Variants in ZNF423 observed in about 807,000 individuals in gnomAD.
The protein encoded by ZNF423 is Ebf-associated zinc finger protein.
ZNF423 carries 12 observed loss-of-function variants against 95.8 expected under a neutral mutation model. The ratio of observed to expected loss-of-function variants is 0.13; its 90% CI spans 0.08 to 0.20. The LOEUF is 0.20. Among genes scored for constraint, ZNF423 ranks in the 10% least tolerant of loss-of-function variants. The probability of loss-of-function intolerance (pLI) is 1.00; values close to 1 mark genes in which losing one functional copy is unlikely to be tolerated. For missense variants in ZNF423, 1,316 were observed against 1,737.1 expected (o/e 0.76, Z 4.31); for synonymous variants, 749 against 711.9 (o/e 1.05, Z -0.83).
Position 49,492,411 on chromosome 16 carries a change from C to G in ZNF423, c.3850-1107G>C, listed in dbSNP as rs934919971. On this transcript the variant is annotated intron_variant, in intron 7 of 7. Transcript: ENST00000563137. The surrounding 1 kb of genome is among the most constrained non-coding windows in gnomAD (Gnocchi z 4.2). ...GGGTCAGCAGAGGCACCGCGTCTCTCCTGGGCTCGGGTCCGCGGCGAGGGC... is the reference window on the plus strand; with the variant it reads ...GGGTCAGCAGAGGCACCGCGTCTCTGCTGGGCTCGGGTCCGCGGCGAGGGC... Among the ~76,000 whole-genome samples, 4 of 152,176 alleles carry G rather than the reference C, an allele frequency of 2.6e-5. No homozygotes were observed. The highest frequency in any genetic ancestry group is 9.6e-5 in the African/African-American group (4 of 41,454).
rs149587611 is a variant in ZNF423 at position 49,747,466 on chromosome 16, T to C, written c.101-16495A>G. Among the ~76,000 whole-genome samples, 45 of 152,278 alleles carry C rather than the reference T, an allele frequency of 3.0e-4. No homozygotes were observed. In the East Asian group the frequency reaches 4.6e-3, roughly 16 times the overall value. ...ACAAGACATACAGGGAAATGAAGAA[T>C]TGATATCATCTATAATTAAATATCA... On this transcript the variant is annotated intron_variant, in intron 2 of 7. Coordinates refer to ENST00000563137, the MANE Select transcript of ZNF423 (RefSeq NM_001379286.1).
At chr16:49,518,101 T>C (rs748230939) in intron 7 of ZNF423, 2 of 441,704 alleles carry the variant, frequency 4.5e-6, no homozygotes, top group African/African-American at 4.1e-5. Flanking sequence ...AAAAGTTCAT[T>C]GCAAGCCCTA....
chr16:49,783,436 G>T (rs1413243540), intron 2 of ZNF423, among the ~76,000 whole-genome samples: 5 of 142,630 alleles, frequency 3.5e-5, no homozygotes, highest in Admixed American at 1.4e-4. Flanking sequence ...TTAGTAGCAG[G>T]CTGGGATGGG....
At chr16:49,756,029 A>C (rs1284872878) in intron 2 of ZNF423, among the ~76,000 whole-genome samples, 2 of 152,204 alleles carry the variant, frequency 1.3e-5, no homozygotes, top group African/African-American at 4.8e-5. Context: ...GGCCAGACTG[A>C]AAGCCAGGCT....
intron 5 of ZNF423, among the ~76,000 whole-genome samples, chr16:49,527,952 T>TC: frequency 6.6e-6 from 1 of 152,112 alleles, no homozygotes; most frequent in East Asian, 1.9e-4. Context: ...ACACGACTAC[T>TC]CCCTCACTAG....
At chr16:49,514,181 A>AC (rs1224772646) in intron 7 of ZNF423, among the ~76,000 whole-genome samples, 8 of 139,726 alleles carry the variant, frequency 5.7e-5, no homozygotes, top group African/African-American at 2.1e-4. Flanking sequence ...TTTCCTGACC[A>AC]CCCAACACAC....
chr16:49,783,152 G>C (rs778578829), intron 2 of ZNF423, among the ~76,000 whole-genome samples: 24 of 152,108 alleles, frequency 1.6e-4, no homozygotes, highest in Non-Finnish European at 2.9e-4. Context: ...TGTGGGAAGA[G>C]GGAGGAAATG....
intron 3 of ZNF423, among the ~76,000 whole-genome samples, chr16:49,677,491 A>AAAGG (rs2031164223): frequency 6.6e-6 from 1 of 151,780 alleles, no homozygotes; most frequent in Admixed American, 6.6e-5. Flanking sequence ...GAAAGGAAAG[A>AAAGG]AAAGAAAAGA....
At chr16:49,811,029 G>T (rs2034743140) in intron 1 of ZNF423, among the ~76,000 whole-genome samples, 2 of 152,184 alleles carry the variant, frequency 1.3e-5, no homozygotes, top group Non-Finnish European at 2.9e-5. Flanking sequence ...GCCCAGAGGG[G>T]CAGGCTCAGG....
intron 5 of ZNF423, among the ~76,000 whole-genome samples, chr16:49,565,073 G>A (rs572346837): frequency 1.1e-4 from 17 of 152,278 alleles, no homozygotes; most frequent in Non-Finnish European, 1.5e-4. Context: ...TCCCCAGCTC[G>A]ACCCAGCAGG....
intron 3 of ZNF423, among the ~76,000 whole-genome samples, chr16:49,692,371 C>T (rs1436682452): frequency 6.6e-6 from 1 of 152,190 alleles, no homozygotes; most frequent in Non-Finnish European, 1.5e-5. Context: ...CCCCAGCACA[C>T]AGCCCGATGC....
In ZNF423 at chr16:49,491,296, C is replaced by G. The variant is rs759162963; in HGVS notation, c.3858G>C (p.Thr1286=). ...FFFQTELQNH[T]MSQHAQ ...TCCCTCACTGTGCGTGCTGGCTCAT[C>G]GTGTGGTTCTGCAAAGGCGAAGAAA... The change falls in exon 8 of 8, where the codon ACG becomes ACC. Residue 1286 remains threonine, a synonymous_variant. Transcript: ENST00000563137. The G allele has an allele frequency of 3.7e-6, 6 of 1,613,906 alleles. No homozygotes were observed.
intron 1 of ZNF423, among the ~76,000 whole-genome samples, chr16:49,848,721 T>A (rs929804038): frequency 1.1e-4 from 16 of 152,160 alleles, no homozygotes; most frequent in Non-Finnish European, 2.2e-4. Context: ...TCCTGACAAA[T>A]TGCTGGCGAA....
chr16:49,775,372 C>A (rs1428292576), intron 2 of ZNF423, among the ~76,000 whole-genome samples: 1 of 152,182 alleles, frequency 6.6e-6, no homozygotes, highest in East Asian at 1.9e-4. Flanking sequence ...TCAAAGGCAT[C>A]CTGACCCTTC....
chr16:49,609,095 T>C lies in ZNF423; in HGVS notation c.3601+17075A>G, dbSNP rs556697453. Among the ~76,000 whole-genome samples the C allele has an allele frequency of 2.0e-5, 3 of 152,098 alleles. No individual in the cohort carries two copies. The South Asian group carries it at 6.2e-4, about 32-fold the overall frequency. ...CATCCTCCTGGTATAGTGGAGACCA[T>C]GTGGAGAGCAGAAATGATGCATTCC... On this transcript the variant is annotated intron_variant, in intron 5 of 7. Coordinates refer to ENST00000563137, the MANE Select transcript of ZNF423 (RefSeq NM_001379286.1).
intron 5 of ZNF423, among the ~76,000 whole-genome samples, chr16:49,537,983 C>A (rs1053983034): frequency 6.6e-6 from 1 of 152,196 alleles, no homozygotes; most frequent in African/African-American, 2.4e-5. Flanking sequence ...AGAGCCCAGC[C>A]AGCCCTCCTG....
At chr16:49,692,135 C>G (rs1008069233) in intron 3 of ZNF423, among the ~76,000 whole-genome samples, 2 of 151,740 alleles carry the variant, frequency 1.3e-5, no homozygotes, top group South Asian at 2.1e-4. Context: ...TTTTTTTTGT[C>G]GAGACAGGCA....
In ZNF423 at chr16:49,638,737, G is replaced by C. The variant is rs1310818861; in HGVS notation, c.439C>G (p.Pro147Ala). 3.1e-6 allele frequency: 5 copies of C among 1,614,184 alleles called. No homozygotes were observed. Among genetic ancestry groups the C allele is most frequent in the Non-Finnish European group, 4.2e-6 (5 of 1,180,046 alleles). The change falls in exon 4 of 8, where the codon CCT (proline) becomes GCT (alanine). Residue 147 changes from proline (P) to alanine (A), a missense_variant. Pro to Ala is a conservative substitution (Grantham distance 27). Around this residue, in one of 6 missense-constraint regions of ZNF423, gnomAD observed 58 missense variants for 116.9 expected, o/e 0.50. Coordinates refer to ENST00000563137, the MANE Select transcript of ZNF423 (RefSeq NM_001379286.1). This position sits in a 1 kb window ranked among gnomAD's most constrained non-coding sequence, Gnocchi z 5.6. ...AAGGACTTGTCGCAGAACTGGCAAG[G>C]GTATGGCAGGCCCGTGCCCCCTTCC... ...EEEGGTGLPY[P>A]CQFCDKSFIR...
intron 3 of ZNF423, among the ~76,000 whole-genome samples, chr16:49,677,332 G>GAAGGGAAGAGAAGA (rs2031143515): frequency 2.7e-5 from 1 of 36,696 alleles, no homozygotes; most frequent in Non-Finnish European, 5.5e-5. Flanking sequence ...GGAGGGGAGG[G>GAAGGGAAGAGAAGA]GAGGGGAGGG....
Sources: allele counts gnomAD v4.1 joint callset (sites outside exome capture counted in the v4.1 genomes callset), GRCh38; gene constraint gnomAD v4.1.1; regional missense constraint gnomAD v4.1.1; non-coding constraint Gnocchi (gnomAD v3.1); transcripts MANE v1.5; gene names NCBI Gene and HGNC (gene_info 2026-07-23, HGNC 2026-07-21).